The following PTPRT variants were observed in gnomAD, a reference collection of about 807,000 sequenced individuals.
PTPRT encodes receptor-type tyrosine-protein phosphatase T.
In PTPRT, 56 loss-of-function variants were observed where a neutral mutation model predicts 176.8. The ratio of observed to expected loss-of-function variants is 0.32; its 90% CI spans 0.26 to 0.40. The LOEUF is 0.40. Ranked by LOEUF, PTPRT falls within the 10% of genes least tolerant of loss-of-function variation. The pLI is 1.00. For missense variants in PTPRT, 1,540 were observed against 1,908.2 expected, an observed-to-expected ratio of 0.81 and a Z score of 3.60; for synonymous variants, 783 against 739.0, an observed-to-expected ratio of 1.06 and a Z score of -0.96.
chr20:42,131,993 G>A (rs552967190), intron 18 of PTPRT, among the ~76,000 whole-genome samples: 3 of 152,282 alleles, frequency 2.0e-5, no homozygotes, highest in Non-Finnish European at 4.4e-5. Flanking sequence ...TGGGAGGGGA[G>A]ACAGAGGAGG....
intron 1 of PTPRT, among the ~76,000 whole-genome samples, chr20:43,106,472 C>T (rs2012607647): frequency 6.6e-6 from 1 of 151,912 alleles, no homozygotes; most frequent in Non-Finnish European, 1.5e-5. Context: ...ACCTGGCCAA[C>T]ATGGTGAAAC....
chr20:42,636,653 C>A (rs935318297), intron 7 of PTPRT, among the ~76,000 whole-genome samples: 1 of 151,870 alleles, frequency 6.6e-6, no homozygotes, highest in Non-Finnish European at 1.5e-5. Context: ...GGCATGGTGA[C>A]GCATGCTTGT....
intron 6 of PTPRT, among the ~76,000 whole-genome samples, chr20:42,750,390 T>C (rs534604706): frequency 2.6e-5 from 4 of 152,130 alleles, no homozygotes; most frequent in Non-Finnish European, 5.9e-5. Flanking sequence ...TCATAGGACC[T>C]ATTTATATAT....
chr20:42,975,368 G>A (rs1454612006), intron 1 of PTPRT, among the ~76,000 whole-genome samples: 1 of 151,662 alleles, frequency 6.6e-6, no homozygotes, highest in Non-Finnish European at 1.5e-5. Context: ...AACCCTAAAA[G>A]GAAACACAAA....
chr20:42,171,397 A>G (rs1010468763), intron 16 of PTPRT, among the ~76,000 whole-genome samples: 4 of 152,178 alleles, frequency 2.6e-5, no homozygotes, highest in African/African-American at 4.8e-5. Flanking sequence ...CTAATATAAA[A>G]ATTCTTGGCT....
At chr20:42,207,064 G>T (rs547465191) in intron 15 of PTPRT, among the ~76,000 whole-genome samples, 1 of 152,018 alleles carries the variant, frequency 6.6e-6, no homozygotes, top group African/African-American at 2.4e-5. Flanking sequence ...TATTCCAACA[G>T]ACCTGCAGCT....
chr20:42,452,140 G>A lies in PTPRT; in HGVS notation c.1451-3811C>T, dbSNP rs149239912. On this transcript the variant is annotated intron_variant, in intron 8 of 30. Transcript: ENST00000373187. ...AAAAATTAGCTGGGTATGGTGGCGCGCACCTGTAGTTCCAGCTACTCGAGA... is the reference window on the plus strand; with the variant it reads ...AAAAATTAGCTGGGTATGGTGGCGCACACCTGTAGTTCCAGCTACTCGAGA... Among the ~76,000 whole-genome samples the A allele has an allele frequency of 7.5e-3, 1,133 of 151,802 alleles. 20 individuals are homozygous for A. Among genetic ancestry groups the A allele is most frequent in the African/African-American group, 0.025 (1,049 of 41,440 alleles).
chr20:42,881,164 G>A (rs751643241), intron 2 of PTPRT, among the ~76,000 whole-genome samples: 1 of 152,174 alleles, frequency 6.6e-6, no homozygotes, highest in Non-Finnish European at 1.5e-5. Context: ...CCCTACTCCA[G>A]GCAGACAGTT....
intron 1 of PTPRT, among the ~76,000 whole-genome samples, chr20:43,067,569 A>G (rs1018854063): frequency 6.6e-6 from 1 of 152,188 alleles, no homozygotes; most frequent in African/African-American, 2.4e-5. Flanking sequence ...GAGGAGTGAT[A>G]TGATCTGAGA....
intron 12 of PTPRT, among the ~76,000 whole-genome samples, chr20:42,291,834 T>G (rs2057321393): frequency 6.6e-6 from 1 of 152,152 alleles, no homozygotes. Context: ...TATAGAGTTT[T>G]GGTCTATATT....
At chr20:42,530,596 C>A (rs1416549608) in intron 7 of PTPRT, among the ~76,000 whole-genome samples, 5 of 152,200 alleles carry the variant, frequency 3.3e-5, no homozygotes, top group African/African-American at 1.2e-4. Flanking sequence ...AAAGGAAATT[C>A]AACCTCTGAG....
chr20:42,950,993 T>A (rs987684543), intron 1 of PTPRT, among the ~76,000 whole-genome samples: 9 of 152,272 alleles, frequency 5.9e-5, no homozygotes, highest in Admixed American at 5.9e-4. Context: ...GATGTTTTCT[T>A]CATCAAAGAG....
chr20:42,748,389 C>T lies in PTPRT; in HGVS notation c.859+8073G>A, dbSNP rs138105390. 1.4e-3 allele frequency among the ~76,000 whole-genome samples: 208 copies of T among 152,232 alleles called. 2 individuals carry two copies. The highest frequency in any genetic ancestry group is 6.0e-3 in the East Asian group (31 of 5,148). The stretch of plus-strand genomic sequence containing the variant: ...TTTACTTCTGAGGACTTGTGGAGAA[C>T]GTGAATGGAAACTCTGGAGTCCAGT... On this transcript the variant is annotated intron_variant, in intron 6 of 30. Transcript: ENST00000373187.
At chr20:42,490,207 G>A (rs971915963) in intron 7 of PTPRT, among the ~76,000 whole-genome samples, 8 of 152,072 alleles carry the variant, frequency 5.3e-5, no homozygotes, top group African/African-American at 1.7e-4. Flanking sequence ...CCTTGAAGTT[G>A]ACTACTATGA....
intron 6 of PTPRT, among the ~76,000 whole-genome samples, chr20:42,756,113 G>A (rs776342027): frequency 1.3e-5 from 2 of 152,076 alleles, no homozygotes; most frequent in Non-Finnish European, 2.9e-5. Context: ...AATAGTACGA[G>A]AACACTGCCA....
chr20:42,682,811 T>A (rs755696295), intron 6 of PTPRT, among the ~76,000 whole-genome samples: 3 of 152,166 alleles, frequency 2.0e-5, no homozygotes, highest in Non-Finnish European at 4.4e-5. Flanking sequence ...TTCTGCCACA[T>A]CCTCAGGCAT....
chr20:42,260,616 G>A (rs1436763297), intron 13 of PTPRT, among the ~76,000 whole-genome samples: 1 of 152,168 alleles, frequency 6.6e-6, no homozygotes, highest in African/African-American at 2.4e-5. Context: ...GCAGCAATGG[G>A]CCAAGGAGAG....
chr20:42,197,238 G>C (rs185173830), intron 16 of PTPRT, among the ~76,000 whole-genome samples: 5 of 151,818 alleles, frequency 3.3e-5, no homozygotes, highest in Admixed American at 3.3e-4. Context: ...AATTAGCCAC[G>C]CGTGGTGGTG....
At chr20:42,892,171 G>A (rs1408071069) in intron 1 of PTPRT, among the ~76,000 whole-genome samples, 1 of 152,200 alleles carries the variant, frequency 6.6e-6, no homozygotes, top group Non-Finnish European at 1.5e-5. Flanking sequence ...ATGACATCAT[G>A]TACAGCAGTA....
Sources: allele counts gnomAD v4.1 joint callset (sites outside exome capture counted in the v4.1 genomes callset), GRCh38; gene constraint gnomAD v4.1.1; transcripts MANE v1.5; gene names NCBI Gene and HGNC (gene_info 2026-07-23, HGNC 2026-07-21).